SCML4: variants seen among roughly 807,000 people sequenced by gnomAD.
SCML4 encodes the protein Scm polycomb group protein like 4.
In SCML4, 34 loss-of-function variants were observed where a neutral mutation model predicts 41.1. That is an observed-to-expected ratio of 0.83 (90% CI 0.63 to 1.10). SCML4 has a LOEUF of 1.10. Ranked by LOEUF, SCML4 falls within the 50% of genes least tolerant of loss-of-function variation. The probability of loss-of-function intolerance (pLI) is 0.00; values close to 1 mark genes in which losing one functional copy is unlikely to be tolerated. For synonymous variants in SCML4, 214 were observed against 220.9 expected, an observed-to-expected ratio of 0.97 and a Z score of 0.28; for missense variants, 522 against 534.1, an observed-to-expected ratio of 0.98 and a Z score of 0.22.
chr6:107,731,208 A>G (rs998182125), intron 5 of SCML4, among the ~76,000 whole-genome samples: 1 of 152,206 alleles, frequency 6.6e-6, no homozygotes, highest in Non-Finnish European at 1.5e-5. Flanking sequence ...GTATAAAACT[A>G]TAGATGCTCC....
chr6:107,776,555 T>C (rs967861683), intron 1 of SCML4, among the ~76,000 whole-genome samples: 4 of 152,220 alleles, frequency 2.6e-5, no homozygotes, highest in African/African-American at 9.6e-5. Context: ...GATTGATAAA[T>C]GTGAAAAACC....
chr6:107,779,060 G>A (rs184509003), intron 1 of SCML4, among the ~76,000 whole-genome samples: 253 of 152,130 alleles, frequency 1.7e-3, no homozygotes, highest in Non-Finnish European at 2.7e-3. Flanking sequence ...GGCGCCTGTA[G>A]TCCCAGCTAC....
At position 107,705,337 on chromosome 6, in the gene SCML4, G is replaced by A. The variant is rs557356612; in HGVS notation, c.1120-12C>T. On this transcript the variant is annotated splice_polypyrimidine_tract_variant and intron_variant, in intron 7 of 7. Transcript: ENST00000369020. Reference sequence around the variant, plus strand: ...TTGCCATCAATCTCCTGGTGGGATAGGATCAGAAGAAAGATAAACCCAGAA... The same window carrying A: ...TTGCCATCAATCTCCTGGTGGGATAAGATCAGAAGAAAGATAAACCCAGAA... 2 of 1,551,098 alleles carry A rather than the reference G, an allele frequency of 1.3e-6. No individual in the cohort carries two copies. Among genetic ancestry groups the A allele is most frequent in the African/African-American group, 1.4e-5 (1 of 72,998 alleles).
chr6:107,720,189 T>C (rs1775226742), intron 6 of SCML4: 1 of 840,692 alleles, frequency 1.2e-6, no homozygotes, highest in African/African-American at 1.8e-5. Flanking sequence ...GAGTCCCTTA[T>C]GGTTAAGTGT....
At chr6:107,819,196 T>C (rs1046517838) in intron 1 of SCML4, among the ~76,000 whole-genome samples, 2 of 53,540 alleles carry the variant, frequency 3.7e-5, no homozygotes, top group Non-Finnish European at 1.0e-4. Context: ...CTACTGCCTC[T>C]TTGCTCCATA....
intron 5 of SCML4, among the ~76,000 whole-genome samples, chr6:107,735,597 G>A (rs1304389511): frequency 1.3e-5 from 2 of 151,776 alleles, no homozygotes; most frequent in Non-Finnish European, 2.9e-5. Context: ...TGAGGAGTTC[G>A]AGACCACCCT....
At position 107,815,962 on chromosome 6, in the gene SCML4, G is replaced by A. The variant is rs375042091; in HGVS notation, c.-60+8164C>T. Among the ~76,000 whole-genome samples, 28 of 152,316 alleles carry A rather than the reference G, an allele frequency of 1.8e-4. No homozygotes were observed. The East Asian group carries it at 3.9e-3, about 21-fold the overall frequency. On this transcript the variant is annotated intron_variant, in intron 1 of 7. Coordinates refer to ENST00000369020, the MANE Select transcript of SCML4 (RefSeq NM_198081.5). Reference sequence around the variant, plus strand: ...AATCATTTCCTTTCTGGAACCTGCCGGACCTGCAGCAGCCCTGCCAGGCAG... The same window carrying A: ...AATCATTTCCTTTCTGGAACCTGCCAGACCTGCAGCAGCCCTGCCAGGCAG...
chr6:107,709,721 A>G (rs540083972), intron 6 of SCML4, among the ~76,000 whole-genome samples: 1 of 151,048 alleles, frequency 6.6e-6, no homozygotes, highest in African/African-American at 2.4e-5. Flanking sequence ...TTATTTATTT[A>G]TTTTTCGAGA....
At chr6:107,717,172 A>T (rs7770109) in intron 6 of SCML4, among the ~76,000 whole-genome samples, 63,294 of 112,416 alleles carry the variant, frequency 0.56, 20,142 homozygotes, top group Middle Eastern at 0.71. Context: ...AAAAAAAAAA[A>T]AGCCAGGTGT....
intron 5 of SCML4, among the ~76,000 whole-genome samples, chr6:107,729,427 A>G (rs1776316862): frequency 1.3e-5 from 2 of 152,234 alleles, no homozygotes; most frequent in African/African-American, 2.4e-5. Context: ...TAAGGACACC[A>G]GTCATGGGAT....
chr6:107,754,345 A>G (rs1303023323), intron 2 of SCML4, among the ~76,000 whole-genome samples: 1 of 152,182 alleles, frequency 6.6e-6, no homozygotes, highest in Non-Finnish European at 1.5e-5. Flanking sequence ...GAGATCATAA[A>G]CCTGTTTTGA....
the SCML4 span, among the ~76,000 whole-genome samples, chr6:107,833,508 C>T: frequency 6.6e-6 from 1 of 152,050 alleles, no homozygotes; most frequent in Non-Finnish European, 1.5e-5. Context: ...AGTGTCTGGA[C>T]TGCTTCCTTT....
chr6:107,746,550 C>G (rs1778109247), intron 4 of SCML4, 139 bp downstream of exon 4: 7 of 687,918 alleles, frequency 1.0e-5, no homozygotes, highest in South Asian at 3.9e-5. Flanking sequence ...TTTTAGCTCA[C>G]AGGCTCATAA....
intron 1 of SCML4, among the ~76,000 whole-genome samples, chr6:107,792,446 AG>A (rs1238900757): frequency 6.6e-6 from 1 of 152,118 alleles, no homozygotes; most frequent in Non-Finnish European, 1.5e-5. Flanking sequence ...ATAAGGTAAA[AG>A]GGGGCCGGGC....
chr6:107,705,424 C>T, intron 7 of SCML4, 99 bp from the exon 8 acceptor site: 1 of 1,104,062 alleles, frequency 9.1e-7, no homozygotes, highest in Non-Finnish European at 1.3e-6. Context: ...GTGCTCAGGG[C>T]ATATGGATTG....
chr6:107,806,189 C>CG (rs1347377519), intron 1 of SCML4, among the ~76,000 whole-genome samples: 1 of 21,890 alleles, frequency 4.6e-5, no homozygotes, highest in Non-Finnish European at 2.6e-3. Flanking sequence ...AGAGATTTCC[C>CG]CCCCCCCAAT....
At chr6:107,737,748 G>T (rs1777211361) in intron 5 of SCML4, among the ~76,000 whole-genome samples, 1 of 152,098 alleles carries the variant, frequency 6.6e-6, no homozygotes, top group Non-Finnish European at 1.5e-5. Context: ...GGCTTGTAAT[G>T]GTGAGCCGGG....
chr6:107,705,998 C>T (rs1352419747), intron 7 of SCML4, among the ~76,000 whole-genome samples: 1 of 152,196 alleles, frequency 6.6e-6, no homozygotes, highest in Admixed American at 6.5e-5. Flanking sequence ...CCTAGCAAGG[C>T]TGGGCTTCCA....
At chr6:107,713,333 C>T (rs1774413419) in intron 6 of SCML4, among the ~76,000 whole-genome samples, 1 of 152,192 alleles carries the variant, frequency 6.6e-6, no homozygotes, top group Admixed American at 6.5e-5. Context: ...GTGATCGACT[C>T]TCTGCTTCTC....
Sources: allele counts gnomAD v4.1 joint callset (sites outside exome capture counted in the v4.1 genomes callset), GRCh38; gene constraint gnomAD v4.1.1; transcripts MANE v1.5; gene names NCBI Gene and HGNC (gene_info 2026-07-23, HGNC 2026-07-21).